DOCK2: variants seen among roughly 807,000 people sequenced by gnomAD.
The protein encoded by DOCK2 is dedicator of cytokinesis 2.
DOCK2 carries 87 observed loss-of-function variants against 248.9 expected under a neutral mutation model. That is an observed-to-expected ratio of 0.35 (90% CI 0.29 to 0.42). DOCK2 has a LOEUF of 0.42. DOCK2 is among the 10% of genes least tolerant of loss of function. The pLI, the probability that DOCK2 is intolerant of heterozygous loss-of-function variation, is 1.00. For synonymous variants in DOCK2, 805 were observed against 821.6 expected (o/e 0.98, Z 0.35); for missense variants, 1,747 against 2,300.2 (o/e 0.76, Z 4.92).
intron 26 of DOCK2, among the ~76,000 whole-genome samples, chr5:169,832,269 C>T (rs1202725042): frequency 1.3e-5 from 2 of 152,214 alleles, no homozygotes; most frequent in Non-Finnish European, 2.9e-5. Context: ...GAACCCACAT[C>T]TTCTTTTCCT....
intron 27 of DOCK2, among the ~76,000 whole-genome samples, chr5:169,905,308 CAGG>C (rs971030165): frequency 9.1e-6 from 1 of 109,390 alleles, no homozygotes; most frequent in African/African-American, 3.5e-5. Context: ...TTTTTTTTTT[CAGG>C]AGAAGCCAGA....
At chr5:169,665,396 G>A (rs1375783366) in intron 2 of DOCK2, among the ~76,000 whole-genome samples, 1 of 150,044 alleles carries the variant, frequency 6.7e-6, no homozygotes, top group Non-Finnish European at 1.5e-5. Flanking sequence ...ATGGTAGTGG[G>A]AGAACTTATA....
intron 2 of DOCK2, 53 bp from the exon 3 acceptor site, chr5:169,669,235 A>G (rs1380075124): frequency 1.0e-5 from 16 of 1,607,694 alleles, no homozygotes; most frequent in Non-Finnish European, 1.4e-5. Context: ...GAAAAACACT[A>G]GCAACAAACT....
chr5:169,844,388 G>C lies in DOCK2; in HGVS notation c.2799+3536G>C, dbSNP rs139585193. On this transcript the variant is annotated intron_variant, in intron 27 of 51. Coordinates refer to ENST00000520908, the MANE Select transcript of DOCK2 (RefSeq NM_004946.3). ...CTTTGCCTACTGTGTGTGCGTGATGGGGCTGTTTTCCTTGGTAGATTCTCA... is the reference window on the plus strand; with the variant it reads ...CTTTGCCTACTGTGTGTGCGTGATGCGGCTGTTTTCCTTGGTAGATTCTCA... Among the ~76,000 whole-genome samples the C allele has an allele frequency of 2.4e-4, 37 of 152,282 alleles. No homozygotes were observed. The East Asian group carries it at 6.8e-3, about 28-fold the overall frequency.
At chr5:169,758,959 T>A (rs944538117) in intron 23 of DOCK2, among the ~76,000 whole-genome samples, 14 of 152,240 alleles carry the variant, frequency 9.2e-5, no homozygotes, top group Admixed American at 9.2e-4. Flanking sequence ...CATACTTCCA[T>A]TAGACCCTTA....
chr5:170,001,284 T>A (rs1754823707), intron 30 of DOCK2, among the ~76,000 whole-genome samples: 1 of 152,116 alleles, frequency 6.6e-6, no homozygotes, highest in Non-Finnish European at 1.5e-5. Flanking sequence ...GGATAAATAA[T>A]GATTCAAGGT....
intron 30 of DOCK2, among the ~76,000 whole-genome samples, chr5:169,996,544 C>G (rs1213459046): frequency 6.6e-6 from 1 of 152,156 alleles, no homozygotes; most frequent in African/African-American, 2.4e-5. Flanking sequence ...ATCAAATTCT[C>G]CAGTACAACT....
At chr5:169,904,349 G>A (rs912400301) in intron 27 of DOCK2, among the ~76,000 whole-genome samples, 1 of 152,164 alleles carries the variant, frequency 6.6e-6, no homozygotes. Flanking sequence ...GAGTAGCTGA[G>A]ATGTGTTGTA....
intron 46 of DOCK2, among the ~76,000 whole-genome samples, chr5:170,072,521 T>A (rs1757714849): frequency 6.6e-6 from 1 of 152,252 alleles, no homozygotes; most frequent in Admixed American, 6.5e-5. Flanking sequence ...TTGGTGGACC[T>A]AAGCACCCAG....
intron 27 of DOCK2, among the ~76,000 whole-genome samples, chr5:169,930,380 C>T (rs1775689378): frequency 6.6e-6 from 1 of 152,200 alleles, no homozygotes; most frequent in Admixed American, 6.5e-5. Context: ...GCACTCACGA[C>T]TGGGGTTGTC....
chr5:169,806,725 TAACA>T (rs1049824226), intron 26 of DOCK2, among the ~76,000 whole-genome samples: 2 of 152,118 alleles, frequency 1.3e-5, no homozygotes, highest in East Asian at 1.9e-4. Flanking sequence ...TTTTGCGTAC[TAACA>T]AACAAATCGG....
chr5:169,841,936 C>T (rs954083539), intron 27 of DOCK2, among the ~76,000 whole-genome samples: 2 of 152,062 alleles, frequency 1.3e-5, no homozygotes, highest in African/African-American at 2.4e-5. Context: ...TCAGTAAATA[C>T]GTTTGAATGA....
At chr5:170,023,850 G>A (rs918707654) in intron 33 of DOCK2, among the ~76,000 whole-genome samples, 4 of 152,204 alleles carry the variant, frequency 2.6e-5, no homozygotes, top group African/African-American at 7.2e-5. Context: ...AGCACCAGAC[G>A]TGTGAGGAAG....
At chr5:169,653,831 A>G (rs1757941856) in intron 1 of DOCK2, among the ~76,000 whole-genome samples, 1 of 152,216 alleles carries the variant, frequency 6.6e-6, no homozygotes, top group South Asian at 2.1e-4. Flanking sequence ...ATGGAGCATT[A>G]CAACATGGCA....
intron 27 of DOCK2, among the ~76,000 whole-genome samples, chr5:169,853,804 C>CTTTTTTTTTTTTTTTTTTTTTTTTTTTTT (rs67124138): frequency 1.8e-5 from 1 of 56,818 alleles, no homozygotes; most frequent in African/African-American, 8.1e-5. Flanking sequence ...GGAAAAACAA[C>CTTTTTTTTTTTTTTTTTTTTTTTTTTTTT]TTTTTTTTTT....
chr5:169,928,070 G>A (rs2113672687), intron 27 of DOCK2, among the ~76,000 whole-genome samples: 1 of 152,302 alleles, frequency 6.6e-6, no homozygotes, highest in East Asian at 1.9e-4. Flanking sequence ...ATATCAGGGA[G>A]AAAGTCCACA....
chr5:169,978,248 G>A (rs367690305), intron 27 of DOCK2, among the ~76,000 whole-genome samples: 64 of 152,142 alleles, frequency 4.2e-4, no homozygotes, highest in Middle Eastern at 3.4e-3. Flanking sequence ...TTAGGTGAGT[G>A]AGGGTTGCAT....
At chr5:169,704,589 G>A (rs968929015) in intron 14 of DOCK2, among the ~76,000 whole-genome samples, 8 of 152,092 alleles carry the variant, frequency 5.3e-5, no homozygotes, top group South Asian at 2.1e-4. Context: ...ACCTCTTCTC[G>A]TGGGGTTGCA....
chr5:169,908,966 A>G (rs1290892155), intron 27 of DOCK2, among the ~76,000 whole-genome samples: 1 of 152,188 alleles, frequency 6.6e-6, no homozygotes, highest in Non-Finnish European at 1.5e-5. Context: ...GTCCAAGGTC[A>G]CAGAACTTGC....
Sources: gnomAD v4.1 joint callset for allele counts (sites outside exome capture counted in the v4.1 genomes callset) on GRCh38, gnomAD v4.1.1 for gene constraint, MANE v1.5 for transcripts, NCBI Gene and HGNC (gene_info 2026-07-23, HGNC 2026-07-21) for gene names.